Variants in CYP3A5 observed in about 807,000 individuals in gnomAD.
CYP3A5 encodes the protein cytochrome P450 3A5.
In CYP3A5, 51 loss-of-function variants were observed where a neutral mutation model predicts 55.9. That is an observed-to-expected ratio of 0.91 (90% CI 0.73 to 1.15). CYP3A5 has a LOEUF of 1.15. Ranked by LOEUF, CYP3A5 falls within the 50% of genes most tolerant of loss-of-function variation. The pLI, the probability that CYP3A5 is intolerant of heterozygous loss-of-function variation, is 0.00. For synonymous variants in CYP3A5, 196 were observed against 213.9 expected (o/e 0.92, Z 0.73); for missense variants, 533 against 596.6 (o/e 0.89, Z 1.11).
chr7:99,676,363 C>T (rs762373611), intron 1 of CYP3A5, 155 bp from the exon 2 acceptor site: 2 of 1,534,528 alleles, frequency 1.3e-6, no homozygotes, highest in Middle Eastern at 1.7e-4. Flanking sequence ...TGCATTCACT[C>T]ATCAGGTCCT....
rs1219780366 is a variant in CYP3A5 at position 99,662,532 on chromosome 7, AG to A, written c.865+283del. On this transcript the variant is annotated intron_variant, in intron 9 of 12. Coordinates refer to ENST00000222982, the MANE Select transcript of CYP3A5 (RefSeq NM_000777.5). The surrounding 1 kb of genome is among the most constrained non-coding windows in gnomAD (Gnocchi z 4.3). ...GGTTCTCACTTGGTGGATCTGGAGG[AG>A]GCTGAGAACTGGCATTTGATCTCAT... Among the ~76,000 whole-genome samples, 14 of 152,254 alleles carry A rather than the reference AG, an allele frequency of 9.2e-5. No individual in the cohort carries two copies. The East Asian group carries it at 2.7e-3, about 29-fold the overall frequency.
intron 1 of CYP3A5, among the ~76,000 whole-genome samples, chr7:99,679,209 T>C (rs1277810975): frequency 6.6e-6 from 1 of 151,342 alleles, no homozygotes; most frequent in Non-Finnish European, 1.5e-5. Flanking sequence ...GGTGGAGGAG[T>C]GACTCATAGG....
rs927551340 is a variant in CYP3A5, at chr7:99,679,996, C to T, written c.-100G>A. ...CCTGGAGCTTCCCTGCCCTGCACAG[C>T]AGTCTTCAGCCAAGCTGCTGAAAGA... is the stretch of plus-strand genomic sequence containing the variant. On this transcript the variant is annotated 5_prime_UTR_variant, in exon 1 of 13. Transcript: ENST00000222982. The T allele has an allele frequency of 1.3e-5, 13 of 984,068 alleles. No individual in the cohort carries two copies. The African/African-American group carries it at 2.1e-4, about 16-fold the overall frequency. 61.0% of individuals were successfully genotyped at this position (984,068 alleles called of 1,614,324 possible). A position where few individuals can be genotyped will look rare whatever the true frequency, so the allele number is the denominator to read the frequency against.
intron 4 of CYP3A5, chr7:99,671,776 A>G: frequency 1.4e-6 from 1 of 702,340 alleles, no homozygotes; most frequent in African/African-American, 1.7e-5. Context: ...AGAACCTGTC[A>G]GAGAAAAAGA....
At chr7:99,657,969 A>G (rs1471165182) in intron 10 of CYP3A5, among the ~76,000 whole-genome samples, 4 of 152,050 alleles carry the variant, frequency 2.6e-5, no homozygotes, top group South Asian at 4.1e-4. Context: ...TTTTGAGCCT[A>G]TGTGTTACTT....
rs1268276129 is a variant in CYP3A5 at position 99,664,925 on chromosome 7, G to A, written c.670+241C>T. On this transcript the variant is annotated intron_variant, in intron 7 of 12. Coordinates refer to ENST00000222982, the MANE Select transcript of CYP3A5 (RefSeq NM_000777.5). Reference sequence around the variant, plus strand: ...ATAGGCAAATCTATAGAGGCAGAAAGTTGATTATTGGATGCTTAGGGCAGT... The same window carrying A: ...ATAGGCAAATCTATAGAGGCAGAAAATTGATTATTGGATGCTTAGGGCAGT... 2.6e-5 allele frequency among the ~76,000 whole-genome samples: 4 copies of A among 152,164 alleles called. No individual in the cohort carries two copies. In the East Asian group the frequency reaches 7.7e-4, roughly 29 times the overall value.
intron 10 of CYP3A5, among the ~76,000 whole-genome samples, chr7:99,654,252 C>T (rs538507097): frequency 6.6e-6 from 1 of 152,080 alleles, no homozygotes; most frequent in African/African-American, 2.4e-5. Flanking sequence ...CCAAAACAGG[C>T]CCCAGTGTGT....
intron 10 of CYP3A5, among the ~76,000 whole-genome samples, chr7:99,656,690 G>A (rs1201547935): frequency 2.6e-5 from 4 of 152,126 alleles, no homozygotes; most frequent in East Asian, 1.9e-4. Context: ...GGTAGAATTC[G>A]GCGGTGAATC....
intron 7 of CYP3A5, among the ~76,000 whole-genome samples, chr7:99,664,773 G>A (rs1001707007): frequency 2.0e-5 from 3 of 152,036 alleles, no homozygotes; most frequent in African/African-American, 7.2e-5. Context: ...AACACTAAAA[G>A]AAGAAGAGCA....
chr7:99,662,660 A>T lies in CYP3A5; in HGVS notation c.865+156T>A, dbSNP rs932520794. Among the ~76,000 whole-genome samples the T allele has an allele frequency of 6.6e-6, 1 of 152,190 alleles. No individual in the cohort carries two copies. Among genetic ancestry groups the T allele is most frequent in the African/African-American group, 2.4e-5 (1 of 41,446 alleles). On this transcript the variant is annotated intron_variant, in intron 9 of 12. Coordinates refer to ENST00000222982, the MANE Select transcript of CYP3A5 (RefSeq NM_000777.5). The surrounding 1 kb of genome is among the most constrained non-coding windows in gnomAD (Gnocchi z 4.3). ...TGGCTATACCTGTGGGCTTCTGGAAAGTGCCTCCAGCTACCATTTATAACA... is the reference window on the plus strand; with the variant it reads ...TGGCTATACCTGTGGGCTTCTGGAATGTGCCTCCAGCTACCATTTATAACA...
Position 99,679,868 on chromosome 7 carries a change from T to C in CYP3A5, c.29A>G (p.Glu10Gly). 4 of 1,614,132 alleles carry C rather than the reference T, an allele frequency of 2.5e-6. No individual in the cohort carries two copies. Among genetic ancestry groups the C allele is most frequent in the Non-Finnish European group, 3.4e-6 (4 of 1,179,986 alleles). ...GCTGACAGCCAGGAGAAGCCAGGTT[T>C]CCACCGCCAAATTTGGGATGAGGTC... MDLIPNLAV[E>G]TWLLLAVSLV... Residue 10 changes from glutamate (E) to glycine (G), a missense_variant, in exon 1 of 13, where the codon GAA (glutamate) becomes GGA (glycine). Glu to Gly is a moderately conservative substitution (Grantham distance 98). Coordinates refer to ENST00000222982, the MANE Select transcript of CYP3A5 (RefSeq NM_000777.5).
At chr7:99,663,114 C>A in intron 8 of CYP3A5, 1 of 1,244,878 alleles carries the variant, frequency 8.0e-7, no homozygotes. Flanking sequence ...GCTTTTTCGC[C>A]TTTGCCCTCC....
chr7:99,676,030 C>T, intron 2 of CYP3A5, 85 bp downstream of exon 2: 1 of 1,198,256 alleles, frequency 8.3e-7, no homozygotes, highest in South Asian at 1.2e-5. Context: ...TCAGAACTCC[C>T]TCCCAAGGAG....
chr7:99,674,680 C>T lies in CYP3A5; in HGVS notation c.166-95G>A, dbSNP rs1026571718. 6.0e-6 allele frequency: 6 copies of T among 998,192 alleles called. No individual in the cohort carries two copies. In the African/African-American group the frequency reaches 9.8e-5, roughly 16 times the overall value. 61.8% of individuals were successfully genotyped at this position (998,192 alleles called of 1,614,324 possible). A position where few individuals can be genotyped will look rare whatever the true frequency, so the allele number is the denominator to read the frequency against. ...TGAAAACAGTTGCGTCCAATGAAAT[C>T]AGGCCTGCTATCTTTCACTGGCAGT... is the stretch of plus-strand genomic sequence containing the variant. On this transcript the variant is annotated intron_variant, in intron 2 of 12. Coordinates refer to ENST00000222982, the MANE Select transcript of CYP3A5 (RefSeq NM_000777.5).
Position 99,662,272 on chromosome 7 carries a change from T to TA in CYP3A5, c.865+543_865+544insT, listed in dbSNP as rs1378506636. 6.6e-6 allele frequency among the ~76,000 whole-genome samples: 1 copy of TA among 152,248 alleles called. No homozygotes were observed. Among genetic ancestry groups the TA allele is most frequent in the East Asian group, 1.9e-4 (1 of 5,200 alleles). On this transcript the variant is annotated intron_variant, in intron 9 of 12. Transcript: ENST00000222982. This position sits in a 1 kb window ranked among gnomAD's most constrained non-coding sequence, Gnocchi z 4.3. ...GCCACTGTCTTAGTAATAATGGTTT[T>TA]GGTTAAAACCATCCATGGGTCATAA...
At chr7:99,656,026 C>G (rs1306038857) in intron 10 of CYP3A5, among the ~76,000 whole-genome samples, 2 of 152,198 alleles carry the variant, frequency 1.3e-5, no homozygotes. Context: ...CATCTGCAAA[C>G]AGGGACAATT....
intron 1 of CYP3A5, among the ~76,000 whole-genome samples, chr7:99,678,283 G>T (rs4646445): frequency 1.4e-4 from 21 of 152,298 alleles, no homozygotes; most frequent in East Asian, 1.3e-3. Flanking sequence ...TGACCTCCAC[G>T]GTGGGGCCAG....
chr7:99,652,434 A>G (rs556075543), intron 11 of CYP3A5, 119 bp downstream of exon 11: 2 of 715,556 alleles, frequency 2.8e-6, no homozygotes, highest in East Asian at 2.7e-5. Context: ...TTTTTGTGAT[A>G]AAAAGACTTA....
chr7:99,672,445 C>T (rs575689861), intron 4 of CYP3A5, 135 bp downstream of exon 4: 39 of 703,876 alleles, frequency 5.5e-5, no homozygotes, highest in South Asian at 8.7e-5. Flanking sequence ...TACCACTGGG[C>T]GGGACAGGAT....
Sources: allele counts gnomAD v4.1 joint callset (sites outside exome capture counted in the v4.1 genomes callset), GRCh38; gene constraint gnomAD v4.1.1; non-coding constraint Gnocchi (gnomAD v3.1); transcripts MANE v1.5; gene names NCBI Gene and HGNC (gene_info 2026-07-23, HGNC 2026-07-21).